Variants in GPR22 observed in about 807,000 individuals in gnomAD.
GPR22 encodes the protein G protein-coupled receptor 22, also known as G-protein coupled receptor 22.
Under a neutral mutation model 31.0 loss-of-function variants are expected in GPR22, and 13 were observed. That is an observed-to-expected ratio of 0.42 (90% CI 0.27 to 0.67). The LOEUF (loss-of-function observed/expected upper bound fraction) is 0.67. Among genes scored for constraint, GPR22 ranks in the 30% least tolerant of loss-of-function variants. The pLI is 0.25. For missense variants in GPR22, 368 were observed against 509.6 expected (o/e 0.72, Z 2.67); for synonymous variants, 191 against 173.4 (o/e 1.10, Z -0.80).
At chr7:107,477,202 C>T (rs1409037349), downstream of GPR22, among the ~76,000 whole-genome samples, 2 of 151,552 alleles carry the variant, frequency 1.3e-5, 1 homozygote, top group Admixed American at 1.3e-4. Flanking sequence ...TTATTTTTTA[C>T]CCCAGGAAAT....
In GPR22 at chr7:107,470,922, T is replaced by A. The variant is rs941192700; in HGVS notation, c.-957-450T>A. ...ATCAATGGAAATTTATAGTATCTTATGAAATCTGTTTTAATGAGTTAAAAT... is the reference window on the plus strand; with the variant it reads ...ATCAATGGAAATTTATAGTATCTTAAGAAATCTGTTTTAATGAGTTAAAAT... On this transcript the variant is annotated intron_variant, in intron 1 of 2. Transcript: ENST00000304402. Among the ~76,000 whole-genome samples the A allele has an allele frequency of 3.3e-5, 5 of 151,904 alleles. No homozygotes were observed. In the East Asian group the frequency reaches 9.6e-4, roughly 29 times the overall value.
chr7:107,470,456 T>A lies in GPR22; in HGVS notation c.-958+11T>A, dbSNP rs1055911463. The A allele has an allele frequency of 7.9e-5, 12 of 152,180 alleles. No individual in the cohort carries two copies. The highest frequency in any genetic ancestry group is 2.9e-4 in the African/African-American group (12 of 41,468). The allele number at this position is 152,180 out of a possible 1,614,324, so 9.4% of individuals were successfully genotyped here. ...AAATCTTTAGCAGAGGTAAGATTTGTTCCTATTATAGTATACAGCTGCTTT... is the reference window on the plus strand; with the variant it reads ...AAATCTTTAGCAGAGGTAAGATTTGATCCTATTATAGTATACAGCTGCTTT... On this transcript the variant is annotated intron_variant, in intron 1 of 2. Coordinates refer to ENST00000304402, the MANE Select transcript of GPR22 (RefSeq NM_005295.3).
downstream of GPR22, among the ~76,000 whole-genome samples, chr7:107,476,645 T>A (rs537741237): frequency 3.8e-4 from 58 of 151,844 alleles, no homozygotes; most frequent in African/African-American, 1.3e-3. Flanking sequence ...AATGTAATAA[T>A]CTATCGATAA....
downstream of GPR22, among the ~76,000 whole-genome samples, chr7:107,476,183 T>TAAAAAAAAAAAAAAAAAAAAAAAAAA (rs1563056700): frequency 5.2e-4 from 45 of 86,454 alleles, 3 homozygotes; most frequent in Non-Finnish European, 6.1e-4. Flanking sequence ...TGCAATGATT[T>TAAAAAAAAAAAAAAAAAAAAAAAAAA]TAAAAAAAAA....
Position 107,474,888 on chromosome 7 carries a change from T to A in GPR22, c.828T>A (p.Gly276=). Residue 276 remains glycine (G), a synonymous_variant, in exon 3 of 3, where the codon GGT becomes GGA. Coordinates refer to ENST00000304402, the MANE Select transcript of GPR22 (RefSeq NM_005295.3). The surrounding 1 kb of genome is among the most constrained non-coding windows in gnomAD (Gnocchi z 5.7). ...CTACAGACATGTCACAAAGCAGTGG[T>A]GGGAGAAATGTAGTCTTTGGTGTAA... is the stretch of plus-strand genomic sequence containing the variant. ...HEATDMSQSS[G]GRNVVFGVRT... 1 of 1,613,218 alleles carries A rather than the reference T, an allele frequency of 6.2e-7. No homozygotes were observed. Among genetic ancestry groups the A allele is most frequent in the Non-Finnish European group, 8.5e-7 (1 of 1,179,516 alleles).
intron 1 of GPR22, among the ~76,000 whole-genome samples, 185 bp from the exon 2 acceptor site, chr7:107,471,187 T>C (rs977007464): frequency 6.6e-6 from 1 of 152,058 alleles, no homozygotes; most frequent in Admixed American, 6.6e-5. Flanking sequence ...ATATACAATC[T>C]TTATTAGGAA....
downstream of GPR22, among the ~76,000 whole-genome samples, chr7:107,477,404 GC>G (rs1189799871): frequency 2.0e-5 from 3 of 151,518 alleles, no homozygotes; most frequent in African/African-American, 7.3e-5. Context: ...TTATAACTAT[GC>G]CAAAGAACTC....
In GPR22 at chr7:107,471,456, G is replaced by C. The variant is rs530829298; in HGVS notation, c.-873G>C. On this transcript the variant is annotated 5_prime_UTR_variant, in exon 2 of 3. Coordinates refer to ENST00000304402, the MANE Select transcript of GPR22 (RefSeq NM_005295.3). Reference sequence around the variant, plus strand: ...GCATCTCCCTAGCTGTCTGAACTACGAACTGCAAGATGTTCTTGTAACACG... The same window carrying C: ...GCATCTCCCTAGCTGTCTGAACTACCAACTGCAAGATGTTCTTGTAACACG... 2 of 151,938 alleles carry C rather than the reference G, an allele frequency of 1.3e-5. No homozygotes were observed. The highest frequency in any genetic ancestry group is 2.9e-5 in the Non-Finnish European group (2 of 67,922). 9.4% of individuals were successfully genotyped at this position (151,938 alleles called of 1,614,324 possible).
At chr7:107,475,853 G>C (rs1336652833), downstream of GPR22, among the ~76,000 whole-genome samples, 2 of 151,546 alleles carry the variant, frequency 1.3e-5, no homozygotes. Context: ...TCCTGGTATA[G>C]TGTATTTGCT....
chr7:107,472,989 T>C (rs1376465830), intron 2 of GPR22: 1 of 151,896 alleles, frequency 6.6e-6, no homozygotes, highest in Non-Finnish European at 1.5e-5. Context: ...TATTAAAATA[T>C]AGATTTGCAT....
chr7:107,473,231 G>A (rs1796745298), intron 2 of GPR22, among the ~76,000 whole-genome samples: 1 of 151,790 alleles, frequency 6.6e-6, no homozygotes, highest in Non-Finnish European at 1.5e-5. Context: ...TTCTTAATGT[G>A]ATATTAAATT....
chr7:107,475,260 A>G lies in GPR22; in HGVS notation c.1200A>G (p.Val400=). The part of the protein sequence containing the change: ...VEADPLPNNA[V]IHNSWIDPKR... ...CTGATCCCCTGCCTAATAATGCTGT[A>G]ATACACAACTCTTGGATAGATCCTA... Residue 400 remains valine, a synonymous_variant, in exon 3 of 3, where the codon GTA becomes GTG. Transcript: ENST00000304402. 1 of 1,602,350 alleles carries G rather than the reference A, an allele frequency of 6.2e-7. No homozygotes were observed. The highest frequency in any genetic ancestry group is 8.5e-7 in the Non-Finnish European group (1 of 1,169,878).
chr7:107,476,234 T>C (rs1304847577), downstream of GPR22, among the ~76,000 whole-genome samples: 1 of 123,202 alleles, frequency 8.1e-6, no homozygotes, highest in Non-Finnish European at 1.7e-5. Context: ...TAAGCTGACT[T>C]CCTAACTTTA....
intron 2 of GPR22, 53 bp from the exon 3 acceptor site, chr7:107,473,982 T>G (rs1796813569): frequency 2.9e-6 from 2 of 697,798 alleles, no homozygotes; most frequent in South Asian, 2.0e-5. Context: ...GAACACGTTA[T>G]ACGTCATTTA....
Position 107,474,463 on chromosome 7 carries a change from G to A in GPR22, c.403G>A (p.Ala135Thr), listed in dbSNP as rs1194587624. The A allele has an allele frequency of 6.2e-7, 1 of 1,613,278 alleles. No homozygotes were observed. Among genetic ancestry groups the A allele is most frequent in the Non-Finnish European group, 8.5e-7 (1 of 1,179,534 alleles). Residue 135 changes from alanine (A) to threonine (T), a missense_variant, in exon 3 of 3, where the codon GCT (alanine) becomes ACT (threonine). By Grantham distance (58) the Ala-to-Thr change is moderately conservative. Coordinates refer to ENST00000304402, the MANE Select transcript of GPR22 (RefSeq NM_005295.3). This position sits in a 1 kb window ranked among gnomAD's most constrained non-coding sequence, Gnocchi z 5.7. The part of the protein sequence containing the change: ...ASVSTAINVF[A>T]ITLDRYDISV... ...TGTCTCAACAGCAATCAACGTTTTTGCTATCACTTTGGACAGATATGACAT... is the reference window on the plus strand; with the variant it reads ...TGTCTCAACAGCAATCAACGTTTTTACTATCACTTTGGACAGATATGACAT...
In GPR22 at chr7:107,473,924, T is replaced by G. The variant is rs1796808741; in HGVS notation, c.-26-111T>G. 7.8e-6 allele frequency: 4 copies of G among 512,034 alleles called. No individual in the cohort carries two copies. In the East Asian group the frequency reaches 1.2e-4, roughly 15 times the overall value. 31.7% of individuals were successfully genotyped at this position (512,034 alleles called of 1,614,324 possible). A position where few individuals can be genotyped will look rare whatever the true frequency, so the allele number is the denominator to read the frequency against. Reference sequence around the variant, plus strand: ...CATTTTCTATTAATAGTTTACAAACTTAAAAATTAAACTAAGTACACAATT... The same window carrying G: ...CATTTTCTATTAATAGTTTACAAACGTAAAAATTAAACTAAGTACACAATT... On this transcript the variant is annotated intron_variant, in intron 2 of 2. Transcript: ENST00000304402.
intron 1 of GPR22, among the ~76,000 whole-genome samples, chr7:107,470,646 A>G (rs1215973545): frequency 6.6e-6 from 1 of 152,116 alleles, no homozygotes; most frequent in Non-Finnish European, 1.5e-5. Flanking sequence ...AAATACAAAT[A>G]TTCTTTGTAA....
rs1382337539 is a variant in GPR22 at position 107,470,324 on chromosome 7, A to C, written c.-1079A>C. 6.6e-6 allele frequency: 1 copy of C among 152,194 alleles called. No homozygotes were observed. Among genetic ancestry groups the C allele is most frequent in the Non-Finnish European group, 1.5e-5 (1 of 68,036 alleles). 9.4% of individuals were successfully genotyped at this position (152,194 alleles called of 1,614,324 possible). ...ACAGACACATATTTTCATTAAGGTC[A>C]TTTTCGAAGAGATGTTTATGACCCT... On this transcript the variant is annotated 5_prime_UTR_variant, in exon 1 of 3. Coordinates refer to ENST00000304402, the MANE Select transcript of GPR22 (RefSeq NM_005295.3).
chr7:107,477,004 TTTCC>T (rs1252156789), downstream of GPR22, among the ~76,000 whole-genome samples: 6 of 151,712 alleles, frequency 4.0e-5, no homozygotes, highest in African/African-American at 1.4e-4. Context: ...AAAAGCCCAA[TTTCC>T]TTCTGTCTTA....
Sources: allele counts gnomAD v4.1 joint callset (sites outside exome capture counted in the v4.1 genomes callset), GRCh38; gene constraint gnomAD v4.1.1; non-coding constraint Gnocchi (gnomAD v3.1); transcripts MANE v1.5; gene names NCBI Gene and HGNC (gene_info 2026-07-23, HGNC 2026-07-21).